MKI67: variants seen among roughly 807,000 people sequenced by gnomAD.
MKI67 encodes the protein proliferation marker protein Ki-67.
Under a neutral mutation model 233.5 loss-of-function variants are expected in MKI67, and 152 were observed. The observed-to-expected ratio is 0.65, with a 90% CI of 0.57 to 0.74. The LOEUF (loss-of-function observed/expected upper bound fraction) is 0.74, where lower values mean the gene tolerates loss of function less well. Ranked by LOEUF, MKI67 falls within the 30% of genes least tolerant of loss-of-function variation. The pLI, the probability that MKI67 is intolerant of heterozygous loss-of-function variation, is 0.00. For missense variants in MKI67, 3,940 were observed against 3,885.2 expected (o/e 1.01, Z -0.37); for synonymous variants, 1,465 against 1,418.5 (o/e 1.03, Z -0.74).
At chr10:128,117,269 A>G (rs1387006990) in intron 5 of MKI67, among the ~76,000 whole-genome samples, 1 of 152,236 alleles carries the variant, frequency 6.6e-6, no homozygotes. Flanking sequence ...GGGCCATAGG[A>G]CCTGTCGATG....
Position 128,103,538 on chromosome 10 carries a change from C to G in MKI67, c.8302G>C (p.Glu2768Gln), listed in dbSNP as rs537862358. The part of the protein sequence containing the change: ...GEDKGIKALK[E>Q]SAKQTPAPAA... ...GGAGCCGGTGTCTGTTTTGCAGATT[C>G]CTTCAATGCTTTGATGCCTTTATCT... is the stretch of plus-strand genomic sequence containing the variant. The change falls in exon 13 of 15, where the codon GAA becomes CAA. Residue 2768 changes from glutamate (E) to glutamine (Q), a missense_variant. Glu to Gln is a conservative substitution (Grantham distance 29). Transcript: ENST00000368654. The G allele has an allele frequency of 1.2e-6, 2 of 1,613,306 alleles. No individual in the cohort carries two copies. The highest frequency in any genetic ancestry group is 1.7e-6 in the Non-Finnish European group (2 of 1,179,908).
In MKI67 at chr10:128,106,173, T is replaced by C. The variant is rs758467233; in HGVS notation, c.5667A>G (p.Glu1889=). 6.2e-7 allele frequency: 1 copy of C among 1,613,400 alleles called. No homozygotes were observed. Among genetic ancestry groups the C allele is most frequent in the Non-Finnish European group, 8.5e-7 (1 of 1,179,894 alleles). ...RSLKKADVEE[E]FLAFRKLTPS... is the part of the protein sequence containing the mutation. The stretch of plus-strand genomic sequence containing the variant: ...GTGTTAGTTTCCTGAATGCTAAAAA[T>C]TCTTCCTCTACGTCTGCTTTCTTGA... The change falls in exon 13 of 15, where the codon GAA becomes GAG. Residue 1889 remains glutamate (E), a synonymous_variant. Coordinates refer to ENST00000368654, the MANE Select transcript of MKI67 (RefSeq NM_002417.5).
chr10:128,111,018 T>C (rs1215141721), intron 11 of MKI67, among the ~76,000 whole-genome samples: 3 of 152,242 alleles, frequency 2.0e-5, no homozygotes. Flanking sequence ...ATAATATATA[T>C]TTTTGAAAAT....
At position 128,104,139 on chromosome 10, in the gene MKI67, TGAG is replaced by T. The variant is rs746689688; in HGVS notation, c.7698_7700del (p.Phe2566_Ser2567delinsLeu). 6.2e-7 allele frequency: 1 copy of T among 1,614,004 alleles called. No individual in the cohort carries two copies. The highest frequency in any genetic ancestry group is 8.5e-7 in the Non-Finnish European group (1 of 1,179,990). On this transcript the variant is annotated inframe_deletion, in exon 13 of 15. Transcript: ENST00000368654. Reference sequence around the variant, plus strand: ...TTGACTCTTCAGTGTGACCTGGTGCTGAGAAGAGCTCTTTGAAGTCAACCAGGT... The same window carrying T: ...TTGACTCTTCAGTGTGACCTGGTGCTAAGAGCTCTTTGAAGTCAACCAGGT...
intron 5 of MKI67, 49 bp downstream of exon 5, chr10:128,119,204 T>C (rs999055751): frequency 3.1e-6 from 4 of 1,305,824 alleles, no homozygotes; most frequent in Admixed American, 1.7e-5. Context: ...ACATAAATGA[T>C]TTCATATCAT....
At chr10:128,124,632 A>C (rs1368722859) in intron 2 of MKI67, among the ~76,000 whole-genome samples, 1 of 152,198 alleles carries the variant, frequency 6.6e-6, no homozygotes, top group Non-Finnish European at 1.5e-5. Context: ...ACACGTGATT[A>C]GTAACAAGAC....
Position 128,103,301 on chromosome 10 carries a change from G to A in MKI67, c.8539C>T (p.Gln2847Ter). 1 of 1,614,150 alleles carries A rather than the reference G, an allele frequency of 6.2e-7. No individual in the cohort carries two copies. Among genetic ancestry groups the A allele is most frequent in the Non-Finnish European group, 8.5e-7 (1 of 1,180,028 alleles). Residue 2847 changes from glutamine to a stop codon, truncating the protein, a stop_gained, in exon 13 of 15, where the codon CAG becomes TAG. Transcript: ENST00000368654. LOFTEE classifies it high-confidence loss of function. ...SSKRRPRTRAQKVEVKEELLA... is the reference protein window; with the variant it reads ...SSKRRPRTRA ...AGCTCCTCCTTCACTTCTACTTTCTGGGCACGTGTCCTGGGCCGTCTCTTT... is the reference window on the plus strand; with the variant it reads ...AGCTCCTCCTTCACTTCTACTTTCTAGGCACGTGTCCTGGGCCGTCTCTTT...
chr10:128,115,948 T>A lies in MKI67; in HGVS notation c.460A>T (p.Asn154Tyr), dbSNP rs1443332483. The change falls in exon 7 of 15, where the codon AAT (asparagine) becomes TAT (tyrosine). Residue 154 changes from asparagine (N) to tyrosine (Y), a missense_variant. Transcript: ENST00000368654. ...SKITEGKVSG[N>Y]PQVHIKNVKE... is the part of the protein sequence containing the mutation. ...ACATTCTTGATATGTACCTGAGGAT[T>A]TCCTGAAACTTTTCCTTCAGTGATT... 1.2e-6 allele frequency: 2 copies of A among 1,608,258 alleles called. No homozygotes were observed. Among genetic ancestry groups the A allele is most frequent in the Admixed American group, 1.7e-5 (1 of 58,968 alleles).
Position 128,103,722 on chromosome 10 carries a change from G to A in MKI67, c.8118C>T (p.Cys2706=), listed in dbSNP as rs565255809. The A allele has an allele frequency of 1.2e-5, 20 of 1,613,946 alleles. No homozygotes were observed. The highest frequency in any genetic ancestry group is 6.7e-5 in the Admixed American group (4 of 60,000). The change falls in exon 13 of 15, where the codon TGC becomes TGT. Residue 2706 remains cysteine, a synonymous_variant. Transcript: ENST00000368654. ...LTAGKATKIP[C]ESPPLEVVDT... ...CTACCACTTCTAGTGGGGGAGATTC[G>A]CAGGGTATTTTAGTGGCTTTGCCAG...
Position 128,106,409 on chromosome 10 carries a change from T to C in MKI67, c.5431A>G (p.Asn1811Asp), listed in dbSNP as rs780659993. The part of the protein sequence containing the change: ...TPVQKLDQPG[N>D]LPGSNRRLQT... ...AGCCGTCTATTGCTGCCAGGTAAAT[T>C]TCCTGGCTGGTCCAGTTTCTGCACT... The change falls in exon 13 of 15, where the codon AAT becomes GAT. Residue 1811 changes from asparagine (N) to aspartate (D), a missense_variant. Asn to Asp is a conservative substitution (Grantham distance 23, BLOSUM62 1). Coordinates refer to ENST00000368654, the MANE Select transcript of MKI67 (RefSeq NM_002417.5). The C allele has an allele frequency of 6.2e-7, 1 of 1,613,884 alleles. No homozygotes were observed. Among genetic ancestry groups the C allele is most frequent in the East Asian group, 2.2e-5 (1 of 44,858 alleles).
Position 128,107,398 on chromosome 10 carries a change from T to G in MKI67, c.4442A>C (p.Asp1481Ala). The G allele has an allele frequency of 3.7e-6, 6 of 1,613,852 alleles. No individual in the cohort carries two copies. In the South Asian group the frequency reaches 5.5e-5, roughly 15 times the overall value. The change falls in exon 13 of 15, where the codon GAC (aspartate) becomes GCC (alanine). Residue 1481 changes from aspartate (D) to alanine (A), a missense_variant. Asp to Ala is a moderately radical substitution (Grantham distance 126). Coordinates refer to ENST00000368654, the MANE Select transcript of MKI67 (RefSeq NM_002417.5). ...AGTTTTCTCGTGAGTCGTGGGCTTG[T>G]CAGTGCATACTGGTGTCTGGAAGAG... Reference protein sequence around the residue: ...KELFQTPVCTDKPTTHEKTTK... With the variant: ...KELFQTPVCTAKPTTHEKTTK...
In MKI67 at chr10:128,101,372, G is replaced by C. The variant is rs765131731; in HGVS notation, c.9591C>G (p.Ser3197=). 5.6e-6 allele frequency: 9 copies of C among 1,614,016 alleles called. No individual in the cohort carries two copies. Among genetic ancestry groups the C allele is most frequent in the Non-Finnish European group, 1.7e-6 (2 of 1,180,018 alleles). ...TTGTCTTTCTTGATCTCAGGCACAT[G>C]GAGTCTGAATTTCCTGCTTCTCCTT... ...KGKGEAGNSD[S]MCLRSRKTKS... Residue 3197 remains serine, a synonymous_variant, in exon 14 of 15, where the codon TCC becomes TCG. Coordinates refer to ENST00000368654, the MANE Select transcript of MKI67 (RefSeq NM_002417.5).
rs555935658 is a variant in MKI67, at chr10:128,125,817, T to A, written c.-89-61A>T. 8.5e-6 allele frequency: 6 copies of A among 709,020 alleles called. No homozygotes were observed. The highest frequency in any genetic ancestry group is 7.7e-5 in the South Asian group (5 of 65,080). The allele number at this position is 709,020 out of a possible 1,614,324, so 43.9% of individuals were successfully genotyped here. A position where few individuals can be genotyped will look rare whatever the true frequency, so the allele number is the denominator to read the frequency against. ...GAGCTAAGAAGGGCCCCGTGCCCAATTCACCTATCCCCGGCCACAGAAGCG... is the reference window on the plus strand; with the variant it reads ...GAGCTAAGAAGGGCCCCGTGCCCAAATCACCTATCCCCGGCCACAGAAGCG... On this transcript the variant is annotated intron_variant, in intron 1 of 14. Coordinates refer to ENST00000368654, the MANE Select transcript of MKI67 (RefSeq NM_002417.5). The surrounding 1 kb of genome is among the most constrained non-coding windows in gnomAD (Gnocchi z 5.3).
chr10:128,113,350 TGTCA>T (rs1280778627), intron 8 of MKI67, 73 bp downstream of exon 8: 3 of 1,381,868 alleles, frequency 2.2e-6, no homozygotes, highest in Admixed American at 4.1e-5. Context: ...ATTCTACTTG[TGTCA>T]GTATTTGGAA....
At chr10:128,116,351 T>G in intron 6 of MKI67, 140 bp downstream of exon 6, 2 of 772,668 alleles carry the variant, frequency 2.6e-6, no homozygotes, top group Non-Finnish European at 4.4e-6. Context: ...TGTCTGTCGT[T>G]GACATGTTAA....
At chr10:128,120,150 T>C (rs1852902278) in intron 4 of MKI67, among the ~76,000 whole-genome samples, 2 of 152,190 alleles carry the variant, frequency 1.3e-5, no homozygotes, top group African/African-American at 2.4e-5. Flanking sequence ...ATTTGGATAA[T>C]ATCTTGTTTT....
At chr10:128,126,063 C>T (rs959672135) in intron 1 of MKI67, 36 bp downstream of exon 1, 2 of 245,212 alleles carry the variant, frequency 8.2e-6, no homozygotes, top group Non-Finnish European at 1.6e-5. Flanking sequence ...AGCCCTCGAC[C>T]CCGGACAGCT....
chr10:128,114,765 C>T (rs1231744823), intron 7 of MKI67, among the ~76,000 whole-genome samples, 163 bp downstream of exon 7: 4 of 152,192 alleles, frequency 2.6e-5, no homozygotes, highest in Non-Finnish European at 4.4e-5. Context: ...CTTCAGTATT[C>T]ATCTATTAGC....
In MKI67 at chr10:128,112,433, G is replaced by A. The variant is rs748481943; in HGVS notation, c.1669C>T (p.Pro557Ser). Residue 557 changes from proline (P) to serine (S), a missense_variant, in exon 9 of 15, where the codon CCA becomes TCA. Coordinates refer to ENST00000368654, the MANE Select transcript of MKI67 (RefSeq NM_002417.5). ...GAACCTGACTCTTGTTTTCCTGATG[G>A]TTGAGGCTGTTCCTGACAAGACAAA... Reference protein sequence around the residue: ...LKKIIKEQPQPSGKQESGSEI... With the variant: ...LKKIIKEQPQSSGKQESGSEI... The A allele has an allele frequency of 4.3e-6, 7 of 1,613,814 alleles. No homozygotes were observed. In the African/African-American group the frequency reaches 8.0e-5, roughly 18 times the overall value.
Sources: gnomAD v4.1 joint callset for allele counts (sites outside exome capture counted in the v4.1 genomes callset) on GRCh38, gnomAD v4.1.1 for gene constraint, Gnocchi (gnomAD v3.1) non-coding constraint, MANE v1.5 for transcripts, NCBI Gene and HGNC (gene_info 2026-07-23, HGNC 2026-07-21) for gene names.